Variants in MET observed in about 807,000 individuals in gnomAD.
MET encodes the protein MET proto-oncogene, receptor tyrosine kinase.
A neutral mutation model predicts 133.1 loss-of-function variants in MET; 48 were observed. The observed-to-expected ratio is 0.36, with a 90% confidence interval of 0.29 to 0.46. MET has a LOEUF of 0.46. MET is among the 20% of genes least tolerant of loss of function. MET has a pLI of 1.00. For synonymous variants in MET, 628 were observed against 616.5 expected (o/e 1.02, Z -0.28); for missense variants, 1,442 against 1,695.9 (o/e 0.85, Z 2.63).
intron 3 of MET, among the ~76,000 whole-genome samples, chr7:116,735,528 A>T (rs1480957914): frequency 6.6e-6 from 1 of 152,148 alleles, no homozygotes; most frequent in Non-Finnish European, 1.5e-5. Context: ...TTCTGTGAGA[A>T]GCCTGTAGTA....
chr7:116,678,239 G>A (rs1796229140), intron 1 of MET, among the ~76,000 whole-genome samples: 1 of 152,154 alleles, frequency 6.6e-6, no homozygotes, highest in African/African-American at 2.4e-5. Context: ...CACTGTGTTA[G>A]AAAGGGAGAT....
Position 116,699,111 on chromosome 7 carries a change from T to C in MET, c.27T>C (p.Pro9=). 1 of 1,613,906 alleles carries C rather than the reference T, an allele frequency of 6.2e-7. No homozygotes were observed. Among genetic ancestry groups the C allele is most frequent in the Non-Finnish European group, 8.5e-7 (1 of 1,179,848 alleles). The change falls in exon 2 of 21, where the codon CCT becomes CCC. Residue 9 remains proline, a synonymous_variant. Transcript: ENST00000397752. The part of the protein sequence containing the change: MKAPAVLA[P]GILVLLFTLV... ...TGAAGGCCCCCGCTGTGCTTGCACC[T>C]GGCATCCTCGTGCTCCTGTTTACCT...
chr7:116,754,673 C>T lies in MET; in HGVS notation c.1702-682C>T, dbSNP rs555864895. On this transcript the variant is annotated intron_variant, in intron 5 of 20. Transcript: ENST00000397752. ...TGTCTCTAGAAAAAAAAAAAATAGC[C>T]AAGCATGGTGGCCCACGCCTGTGAT... Among the ~76,000 whole-genome samples the T allele has an allele frequency of 3.3e-5, 5 of 151,398 alleles. No homozygotes were observed. In the South Asian group the frequency reaches 1.0e-3, roughly 32 times the overall value.
rs188993740 is a variant in MET, at chr7:116,682,728, T to C, written c.-15+10151T>C. 2.6e-5 allele frequency among the ~76,000 whole-genome samples: 4 copies of C among 152,308 alleles called. No homozygotes were observed. In the East Asian group the frequency reaches 7.7e-4, roughly 29 times the overall value. On this transcript the variant is annotated intron_variant, in intron 1 of 20. Transcript: ENST00000397752. Reference sequence around the variant, plus strand: ...GTTCTTTCCCATTTTGCCCAATTCATAGCACCTGATTCTCTTAACCAGCAA... The same window carrying C: ...GTTCTTTCCCATTTTGCCCAATTCACAGCACCTGATTCTCTTAACCAGCAA...
chr7:116,775,832 C>A (rs1039221415), intron 15 of MET, among the ~76,000 whole-genome samples: 12 of 152,178 alleles, frequency 7.9e-5, no homozygotes, highest in Non-Finnish European at 1.5e-4. Flanking sequence ...TGGTTTATAG[C>A]AGTTTGTACA....
chr7:116,701,329 A>G (rs2299436), intron 2 of MET, among the ~76,000 whole-genome samples: 36,695 of 152,038 alleles, frequency 0.24, 4,525 homozygotes, highest in East Asian at 0.34. Flanking sequence ...ACAGGTTTCA[A>G]TCTAAGATAT....
chr7:116,767,974 A>ATG (rs36013546), intron 11 of MET, among the ~76,000 whole-genome samples: 10,794 of 140,078 alleles, frequency 0.077, 946 homozygotes, highest in East Asian at 0.49. Flanking sequence ...ATATATATAT[A>ATG]TGTGTGTGTG....
intron 1 of MET, among the ~76,000 whole-genome samples, chr7:116,690,127 T>G (rs1217017258): frequency 6.6e-6 from 1 of 152,140 alleles, no homozygotes; most frequent in Non-Finnish European, 1.5e-5. Context: ...CTGTGCCAAC[T>G]TCCTCATTTT....
intron 6 of MET, among the ~76,000 whole-genome samples, chr7:116,756,937 G>C (rs1392658166): frequency 6.6e-6 from 1 of 152,090 alleles, no homozygotes; most frequent in East Asian, 1.9e-4. Context: ...TTAATGTAAA[G>C]TTTAGTATAA....
intron 1 of MET, among the ~76,000 whole-genome samples, chr7:116,687,577 T>C (rs989406007): frequency 1.3e-5 from 2 of 152,210 alleles, no homozygotes; most frequent in African/African-American, 4.8e-5. Context: ...TTCCTTCACA[T>C]TCACAGTATT....
intron 10 of MET, among the ~76,000 whole-genome samples, chr7:116,762,281 G>T (rs753311682): frequency 1.3e-5 from 2 of 152,132 alleles, no homozygotes; most frequent in African/African-American, 2.4e-5. Flanking sequence ...AATGGCCTAG[G>T]ATTTATATTC....
chr7:116,766,887 T>C (rs1371552809), intron 11 of MET, among the ~76,000 whole-genome samples: 3 of 152,166 alleles, frequency 2.0e-5, no homozygotes, highest in African/African-American at 4.8e-5. Flanking sequence ...GCCCAGCTTT[T>C]CCCAAATGGC....
At chr7:116,711,266 A>T (rs1262304409) in intron 2 of MET, among the ~76,000 whole-genome samples, 1 of 152,204 alleles carries the variant, frequency 6.6e-6, no homozygotes, top group Non-Finnish European at 1.5e-5. Flanking sequence ...CCAGTGGCTC[A>T]GAAAACCCTC....
chr7:116,789,984 T>C (rs750499702), intron 19 of MET, among the ~76,000 whole-genome samples: 3 of 152,092 alleles, frequency 2.0e-5, no homozygotes, highest in Non-Finnish European at 1.5e-5. Flanking sequence ...GGCCCCAGTG[T>C]GTGTTGTTCC....
intron 1 of MET, among the ~76,000 whole-genome samples, chr7:116,691,064 T>G (rs1796765160): frequency 6.6e-6 from 1 of 152,214 alleles, no homozygotes; most frequent in Non-Finnish European, 1.5e-5. Context: ...TCCTGGAGAT[T>G]TAGCCATGGC....
intron 3 of MET, among the ~76,000 whole-genome samples, chr7:116,734,609 C>T (rs1793143541): frequency 6.6e-6 from 1 of 152,156 alleles, no homozygotes; most frequent in South Asian, 2.1e-4. Flanking sequence ...ATATTTAAGT[C>T]TCAATATCTG....
At chr7:116,750,293 C>T (rs193265846) in intron 5 of MET, among the ~76,000 whole-genome samples, 121 of 152,324 alleles carry the variant, frequency 7.9e-4, no homozygotes, top group South Asian at 6.6e-3. Context: ...TTACAACCAT[C>T]TGATCTTTTA....
At chr7:116,732,266 T>G (rs1482876977) in intron 3 of MET, among the ~76,000 whole-genome samples, 1 of 152,186 alleles carries the variant, frequency 6.6e-6, no homozygotes, top group East Asian at 1.9e-4. Flanking sequence ...ATTCACATCA[T>G]TGAGAAATAT....
intron 9 of MET, 190 bp from the exon 10 acceptor site, chr7:116,759,201 A>C (rs893997368): frequency 1.6e-5 from 12 of 739,462 alleles, no homozygotes; most frequent in Non-Finnish European, 2.6e-5. Context: ...AGCTTATGAA[A>C]TATGCATTTT....
Sources: allele counts gnomAD v4.1 joint callset (sites outside exome capture counted in the v4.1 genomes callset), GRCh38; gene constraint gnomAD v4.1.1; transcripts MANE v1.5; gene names NCBI Gene and HGNC (gene_info 2026-07-23, HGNC 2026-07-21).